Variants in DNAJC10 observed in about 807,000 individuals in gnomAD.
DNAJC10 encodes endoplasmic reticulum disulfide reductase DNAJC10.
Under a neutral mutation model 115.0 loss-of-function variants are expected in DNAJC10, and 101 were observed. That is an observed-to-expected ratio of 0.88 (90% CI 0.75 to 1.04). The LOEUF (loss-of-function observed/expected upper bound fraction) is 1.04, where lower values mean the gene tolerates loss of function less well. DNAJC10 is among the 50% of genes least tolerant of loss of function. The pLI is 0.00. For synonymous variants in DNAJC10, 307 were observed against 301.5 expected, an observed-to-expected ratio of 1.02 and a Z score of -0.19; for missense variants, 981 against 928.8, an observed-to-expected ratio of 1.06 and a Z score of -0.73.
Position 182,753,745 on chromosome 2 carries a change from G to T in DNAJC10, c.1552-1258G>T, listed in dbSNP as rs182926590. On this transcript the variant is annotated intron_variant, in intron 16 of 23. Coordinates refer to ENST00000264065, the MANE Select transcript of DNAJC10 (RefSeq NM_018981.4). ...TTACAGGCACCCGCCACCACGTCCG[G>T]CTAACTTTTTGTATTTTTAGTAGAG... Among the ~76,000 whole-genome samples the T allele has an allele frequency of 1.3e-4, 20 of 151,848 alleles. No homozygotes were observed. In the East Asian group the frequency reaches 3.3e-3, roughly 25 times the overall value.
At chr2:182,762,231 A>G (rs1052782121) in intron 21 of DNAJC10, among the ~76,000 whole-genome samples, 3 of 151,988 alleles carry the variant, frequency 2.0e-5, no homozygotes, top group African/African-American at 7.2e-5. Context: ...GAATCCTTTC[A>G]TGATTATATA....
chr2:182,736,477 A>G (rs1269175158), intron 11 of DNAJC10, 91 bp downstream of exon 11: 3 of 933,256 alleles, frequency 3.2e-6, no homozygotes, highest in South Asian at 3.0e-5. Context: ...GAGCAAAGAA[A>G]TGAACAATTT....
chr2:182,732,575 C>T (rs769334885), intron 10 of DNAJC10, 33 bp downstream of exon 10: 3 of 1,597,738 alleles, frequency 1.9e-6, no homozygotes, highest in East Asian at 2.2e-5. Context: ...AACTATATCA[C>T]CATGTAAAGA....
rs1316012575 is a variant in DNAJC10, at chr2:182,785,460, T to A, written c.*8328T>A. 6.6e-6 allele frequency: 1 copy of A among 152,090 alleles called. No homozygotes were observed. The allele number at this position is 152,090 out of a possible 1,614,324, so 9.4% of individuals were successfully genotyped here. ...AGTACTTACTATGAGTTTGGAAAAA[T>A]TGCTTACTTCATATCTGTATCCTAA... On this transcript the variant is annotated 3_prime_UTR_variant, in exon 24 of 24. Coordinates refer to ENST00000264065, the MANE Select transcript of DNAJC10 (RefSeq NM_018981.4).
chr2:182,761,638 C>T (rs547592223), intron 21 of DNAJC10, among the ~76,000 whole-genome samples: 1 of 152,152 alleles, frequency 6.6e-6, no homozygotes, highest in African/African-American at 2.4e-5. Context: ...CTGGATGAGC[C>T]TAATTTCTGG....
At position 182,786,851 on chromosome 2, in the gene DNAJC10, G is replaced by A. The variant is rs1436148213; in HGVS notation, c.*9719G>A. The A allele has an allele frequency of 6.6e-6, 1 of 152,232 alleles. No individual in the cohort carries two copies. The highest frequency in any genetic ancestry group is 1.5e-5 in the Non-Finnish European group (1 of 68,082). 9.4% of individuals were successfully genotyped at this position (152,232 alleles called of 1,614,324 possible). A position where few individuals can be genotyped will look rare whatever the true frequency, so the allele number is the denominator to read the frequency against. The stretch of plus-strand genomic sequence containing the variant: ...TGAAATCCTAACCCCCAAGGTAATG[G>A]TATTAGGAATGTGAGGCCTTTGGGA... On this transcript the variant is annotated 3_prime_UTR_variant, in exon 24 of 24. Transcript: ENST00000264065.
chr2:182,730,025 G>C, intron 8 of DNAJC10, 84 bp downstream of exon 8: 1 of 863,792 alleles, frequency 1.2e-6, no homozygotes, highest in Non-Finnish European at 1.8e-6. Context: ...TAACATTTTG[G>C]TCATGGTATT....
chr2:182,736,678 G>T (rs1247931777), intron 11 of DNAJC10, among the ~76,000 whole-genome samples: 2 of 152,104 alleles, frequency 1.3e-5, no homozygotes, highest in Non-Finnish European at 2.9e-5. Flanking sequence ...AACCCCAAAA[G>T]TATGGAGTAC....
Position 182,755,086 on chromosome 2 carries a change from A to G in DNAJC10, c.1635A>G (p.Gln545=). Residue 545 remains glutamine (Q), a synonymous_variant, in exon 17 of 24, where the codon CAA becomes CAG. Transcript: ENST00000264065. The part of the protein sequence containing the change: ...HEYEGHHSAE[Q]ILEFIEDLMN... The stretch of plus-strand genomic sequence containing the variant: ...ATGAAGGACATCACTCTGCTGAACA[A>G]ATCTTGGAGTTCATAGAGGTATTTC... 1 of 1,600,544 alleles carries G rather than the reference A, an allele frequency of 6.2e-7. No individual in the cohort carries two copies. The highest frequency in any genetic ancestry group is 8.6e-7 in the Non-Finnish European group (1 of 1,167,882).
In DNAJC10 at chr2:182,717,712, T is replaced by G. The variant is rs149148489; in HGVS notation, c.-146-229T>G. 7.3e-3 allele frequency among the ~76,000 whole-genome samples: 1,117 copies of G among 152,260 alleles called. 12 individuals are homozygous for G. Among genetic ancestry groups the G allele is most frequent in the African/African-American group, 0.026 (1,063 of 41,552 alleles). On this transcript the variant is annotated intron_variant, in intron 2 of 23. Transcript: ENST00000264065. ...TTCTCAGTGTATAAATTGCTGAGGG[T>G]GTGTGTGCAAGCTACTTACTACCAC...
At chr2:182,742,164 A>G (rs1273525830) in intron 13 of DNAJC10, among the ~76,000 whole-genome samples, 1 of 152,092 alleles carries the variant, frequency 6.6e-6, no homozygotes, top group African/African-American at 2.4e-5. Flanking sequence ...AACGATGCAG[A>G]ACTTGTCTTT....
At position 182,758,883 on chromosome 2, in the gene DNAJC10, G is replaced by T; in HGVS notation, c.1990G>T (p.Gly664Cys). 1.2e-6 allele frequency: 2 copies of T among 1,601,442 alleles called. No homozygotes were observed. Among genetic ancestry groups the T allele is most frequent in the South Asian group, 2.2e-5 (2 of 90,652 alleles). ...NRDAYSLRIW[G>C]LGFLPQVSTD... The stretch of plus-strand genomic sequence containing the variant: ...GGATGCTTATTCCCTGAGAATCTGG[G>T]GTCTAGGGTGAGTAATTAAAATATA... Residue 664 changes from glycine to cysteine, a missense_variant, in exon 20 of 24, where the codon GGT becomes TGT. Gly to Cys is a radical substitution (Grantham distance 159). Transcript: ENST00000264065.
intron 9 of DNAJC10, 114 bp from the exon 10 acceptor site, chr2:182,732,385 A>T (rs1432990833): frequency 4.3e-6 from 4 of 920,420 alleles, no homozygotes. Context: ...AATAGAGTCC[A>T]GCTCAATTAA....
intron 10 of DNAJC10, among the ~76,000 whole-genome samples, chr2:182,734,922 G>A (rs1693547969): frequency 6.6e-6 from 1 of 150,652 alleles, no homozygotes; most frequent in Admixed American, 6.6e-5. Context: ...ATTTTTTACT[G>A]TCACCCTTAC....
chr2:182,762,441 CA>C (rs200447407), intron 21 of DNAJC10, among the ~76,000 whole-genome samples: 8 of 152,014 alleles, frequency 5.3e-5, no homozygotes. Flanking sequence ...TGAGACATTG[CA>C]GGATAAAGCT....
chr2:182,759,518 A>ACATCATCATCTACTAGC (rs1694239768), intron 21 of DNAJC10, among the ~76,000 whole-genome samples: 1 of 152,050 alleles, frequency 6.6e-6, no homozygotes, highest in South Asian at 2.1e-4. Context: ...ATCTTGGTAG[A>ACATCATCATCTACTAGC]CATCATCATC....
intron 14 of DNAJC10, among the ~76,000 whole-genome samples, chr2:182,750,346 A>G (rs1288333982): frequency 6.6e-6 from 1 of 152,150 alleles, no homozygotes; most frequent in African/African-American, 2.4e-5. Flanking sequence ...TGGGTTGGAA[A>G]TGGTAAGAGA....
chr2:182,771,100 G>T (rs1694549246), intron 22 of DNAJC10, among the ~76,000 whole-genome samples: 1 of 152,026 alleles, frequency 6.6e-6, no homozygotes, highest in African/African-American at 2.4e-5. Context: ...TTATGTGAAG[G>T]ATTACATTTA....
rs1035581413 is a variant in DNAJC10 at position 182,779,850 on chromosome 2, G to A, written c.*2718G>A. The stretch of plus-strand genomic sequence containing the variant: ...CACACATTTCAAAGATGTTTAGTAC[G>A]ATAAAATTTTTAGTAAAAGGGTAGC... On this transcript the variant is annotated 3_prime_UTR_variant, in exon 24 of 24. Transcript: ENST00000264065. The A allele has an allele frequency of 7.9e-5, 12 of 152,034 alleles. No individual in the cohort carries two copies. Among genetic ancestry groups the A allele is most frequent in the South Asian group, 2.1e-4 (1 of 4,832 alleles). 9.4% of individuals were successfully genotyped at this position (152,034 alleles called of 1,614,324 possible).
Sources: allele counts gnomAD v4.1 joint callset (sites outside exome capture counted in the v4.1 genomes callset), GRCh38; gene constraint gnomAD v4.1.1; transcripts MANE v1.5; gene names NCBI Gene and HGNC (gene_info 2026-07-23, HGNC 2026-07-21).